DLC1: variants seen among roughly 807,000 people sequenced by gnomAD.
DLC1 encodes the protein rho GTPase-activating protein 7.
In DLC1, 54 loss-of-function variants were observed where a neutral mutation model predicts 140.3. That is an observed-to-expected ratio of 0.38 (90% CI 0.31 to 0.48). The LOEUF (loss-of-function observed/expected upper bound fraction) is 0.48. Ranked by LOEUF, DLC1 falls within the 20% of genes least tolerant of loss-of-function variation. DLC1 has a pLI of 0.96. For missense variants in DLC1, 2,536 were observed against 1,907.0 expected (o/e 1.33, Z -6.14); for synonymous variants, 986 against 728.1 (o/e 1.35, Z -5.70).
At chr8:13,380,542 C>T (rs1013814254) in intron 4 of DLC1, among the ~76,000 whole-genome samples, 1 of 152,074 alleles carries the variant, frequency 6.6e-6, no homozygotes, top group African/African-American at 2.4e-5. Context: ...TTGTATGTAC[C>T]CATCTTTAGT....
intron 5 of DLC1, among the ~76,000 whole-genome samples, chr8:13,134,965 A>C (rs556093381): frequency 6.6e-6 from 1 of 152,294 alleles, no homozygotes; most frequent in East Asian, 1.9e-4. Flanking sequence ...GGGAGGAAGC[A>C]ACAGGGTTGT....
At chr8:13,484,762 C>T (rs1189006615) in intron 2 of DLC1, among the ~76,000 whole-genome samples, 1 of 151,842 alleles carries the variant, frequency 6.6e-6, no homozygotes, top group South Asian at 2.1e-4. Context: ...TCACTTTGAA[C>T]ATAAACAGTC....
At chr8:13,209,278 G>A (rs1277384543) in intron 5 of DLC1, among the ~76,000 whole-genome samples, 1 of 152,046 alleles carries the variant, frequency 6.6e-6, no homozygotes, top group Non-Finnish European at 1.5e-5. Flanking sequence ...CTCATCTCAA[G>A]ATTTTTGAGA....
At chr8:13,596,717 C>T (rs754575975) in intron 1 of DLC1, among the ~76,000 whole-genome samples, 13 of 152,104 alleles carry the variant, frequency 8.5e-5, no homozygotes, top group Non-Finnish European at 1.8e-4. Flanking sequence ...CAGCCTCCAT[C>T]TAAAACCCTG....
rs1819091927 is a variant in DLC1, at chr8:13,101,545, T to A, written c.1567-775A>T. The stretch of plus-strand genomic sequence containing the variant: ...AACTTAAATCTCTAGACACTAAAAA[T>A]GTATAAGGTCTCCCACTGGAGTAAA... On this transcript the variant is annotated intron_variant, in intron 8 of 17. Transcript: ENST00000276297. 1.3e-5 allele frequency among the ~76,000 whole-genome samples: 2 copies of A among 152,116 alleles called. 1 individual carries two copies. Among genetic ancestry groups the A allele is most frequent in the Admixed American group, 1.3e-4 (2 of 15,270 alleles).
intron 5 of DLC1, among the ~76,000 whole-genome samples, chr8:13,176,453 C>A (rs947015200): frequency 2.6e-5 from 4 of 152,112 alleles, no homozygotes; most frequent in African/African-American, 9.7e-5. Context: ...GCAGCAGGTG[C>A]CTGTAGTCCC....
At chr8:13,538,633 A>G (rs1280557169) in intron 1 of DLC1, among the ~76,000 whole-genome samples, 1 of 152,174 alleles carries the variant, frequency 6.6e-6, no homozygotes, top group Admixed American at 6.5e-5. Context: ...CATTTCAGCC[A>G]GTAATCCTCC....
chr8:13,243,760 G>C (rs868656008), intron 5 of DLC1, among the ~76,000 whole-genome samples: 1 of 152,308 alleles, frequency 6.6e-6, no homozygotes, highest in East Asian at 1.9e-4. Context: ...ACAACATCAA[G>C]TTACTAGCAA....
intron 10 of DLC1, among the ~76,000 whole-genome samples, chr8:13,098,002 G>A (rs1158956029): frequency 4.9e-5 from 7 of 142,582 alleles, no homozygotes; most frequent in East Asian, 2.0e-4. Flanking sequence ...TAGTTAACAC[G>A]GTGAAACCCC....
At position 13,259,149 on chromosome 8, in the gene DLC1, A is replaced by G. The variant is rs1830380642; in HGVS notation, c.1348+46120T>C. Among the ~76,000 whole-genome samples, 3 of 151,564 alleles carry G rather than the reference A, an allele frequency of 2.0e-5. No homozygotes were observed. In the South Asian group the frequency reaches 6.2e-4, roughly 31 times the overall value. ...GAAACTCCGTCTCAAGAAAAAAAAA[A>G]AAAAAAAAAAGAGAAAATCAAAAGA... On this transcript the variant is annotated intron_variant, in intron 5 of 17. Coordinates refer to ENST00000276297, the MANE Select transcript of DLC1 (RefSeq NM_182643.3).
Position 13,500,168 on chromosome 8 carries a change from G to A in DLC1, c.-97C>T, listed in dbSNP as rs1357070670. The A allele has an allele frequency of 1.8e-6, 2 of 1,127,236 alleles. No individual in the cohort carries two copies. Among genetic ancestry groups the A allele is most frequent in the African/African-American group, 1.5e-5 (1 of 65,082 alleles). The allele number at this position is 1,127,236 out of a possible 1,614,324, so 69.8% of individuals were successfully genotyped here. ...GATTATTTCAAAATCACCAATCAAA[G>A]AAGCGAATGAGTTCTGTCATTTCAC... On this transcript the variant is annotated 5_prime_UTR_variant, in exon 2 of 18. Coordinates refer to ENST00000276297, the MANE Select transcript of DLC1 (RefSeq NM_182643.3).
intron 2 of DLC1, among the ~76,000 whole-genome samples, chr8:13,468,567 G>A (rs1270969400): frequency 1.3e-5 from 2 of 151,662 alleles, no homozygotes; most frequent in East Asian, 1.9e-4. Flanking sequence ...CAGAGATGGG[G>A]TATTACTATG....
intron 2 of DLC1, among the ~76,000 whole-genome samples, chr8:13,490,704 C>T (rs919430734): frequency 6.6e-6 from 1 of 152,128 alleles, no homozygotes. Context: ...TTCACTATTA[C>T]GATGGCCTCC....
At chr8:13,484,480 T>A (rs79993763) in intron 2 of DLC1, among the ~76,000 whole-genome samples, 3,356 of 152,216 alleles carry the variant, frequency 0.022, 118 homozygotes, top group African/African-American at 0.074. Context: ...CTGGACTGAT[T>A]CTCTTTAGTT....
At chr8:13,480,549 T>C (rs1050220678) in intron 2 of DLC1, among the ~76,000 whole-genome samples, 1 of 152,188 alleles carries the variant, frequency 6.6e-6, no homozygotes, top group Non-Finnish European at 1.5e-5. Context: ...ATCTTTATCC[T>C]ATAGGTGAAG....
In DLC1 at chr8:13,225,761, A is replaced by G. The variant is rs1255723418; in HGVS notation, c.1348+79508T>C. The stretch of plus-strand genomic sequence containing the variant: ...CTCCTGAGTAGCTGGGACTACAGGC[A>G]CCCGCCACCACGCCCGGCTAATTTT... On this transcript the variant is annotated intron_variant, in intron 5 of 17. Coordinates refer to ENST00000276297, the MANE Select transcript of DLC1 (RefSeq NM_182643.3). Among the ~76,000 whole-genome samples the G allele has an allele frequency of 7.3e-4, 110 of 151,324 alleles. 3 individuals carry two copies. The highest frequency in any genetic ancestry group is 6.9e-3 in the Admixed American group (104 of 15,182).
intron 1 of DLC1, among the ~76,000 whole-genome samples, chr8:13,593,528 C>A (rs150485929): frequency 1.3e-5 from 2 of 152,174 alleles, no homozygotes; most frequent in Non-Finnish European, 2.9e-5. Flanking sequence ...TTCTAGGTAA[C>A]CTGGATGCCA....
At chr8:13,268,802 C>A (rs75667516) in intron 5 of DLC1, among the ~76,000 whole-genome samples, 1,983 of 151,398 alleles carry the variant, frequency 0.013, 40 homozygotes, top group African/African-American at 0.045. Context: ...TAAGTATCTT[C>A]AGGTAAATTT....
intron 16 of DLC1, 104 bp downstream of exon 16, chr8:13,088,383 C>G: frequency 1.5e-6 from 2 of 1,342,312 alleles, no homozygotes; most frequent in Non-Finnish European, 2.0e-6. Flanking sequence ...TATGCCCGGC[C>G]TCTACTTTAA....
Sources: gnomAD v4.1 joint callset for allele counts (sites outside exome capture counted in the v4.1 genomes callset) on GRCh38, gnomAD v4.1.1 for gene constraint, MANE v1.5 for transcripts, NCBI Gene and HGNC (gene_info 2026-07-23, HGNC 2026-07-21) for gene names.